The following DISC1 variants were observed in gnomAD, a reference collection of about 807,000 sequenced individuals.
DISC1 encodes the protein disrupted in schizophrenia 1 protein.
A neutral mutation model predicts 84.5 loss-of-function variants in DISC1; 57 were observed. The observed-to-expected ratio is 0.67, with a 90% CI of 0.55 to 0.84. The LOEUF is 0.84. DISC1 is among the 40% of genes least tolerant of loss of function. The probability of loss-of-function intolerance (pLI) is 0.00; values close to 1 mark genes in which losing one functional copy is unlikely to be tolerated. For missense variants in DISC1, 1,000 were observed against 1,057.8 expected (o/e 0.95, Z 0.76); for synonymous variants, 411 against 415.2 (o/e 0.99, Z 0.12).
chr1:231,785,565 G>T (rs2077788640), intron 6 of DISC1, among the ~76,000 whole-genome samples: 2 of 151,958 alleles, frequency 1.3e-5, no homozygotes, highest in African/African-American at 2.4e-5. Flanking sequence ...AAGTGCATGG[G>T]TTACAGACGT....
At chr1:231,774,416 A>C (rs1009015991) in intron 6 of DISC1, among the ~76,000 whole-genome samples, 4 of 152,204 alleles carry the variant, frequency 2.6e-5, no homozygotes, top group African/African-American at 7.2e-5. Context: ...TGCAGCATGG[A>C]ACACTCATGG....
chr1:231,868,931 A>C (rs1160835807), intron 9 of DISC1, among the ~76,000 whole-genome samples: 1 of 148,980 alleles, frequency 6.7e-6, no homozygotes, highest in Non-Finnish European at 1.5e-5. Flanking sequence ...TACATTTTTG[A>C]GAGGAGCAAT....
At chr1:231,837,994 T>C (rs976598129) in intron 9 of DISC1, among the ~76,000 whole-genome samples, 2 of 152,214 alleles carry the variant, frequency 1.3e-5, no homozygotes, top group Non-Finnish European at 1.5e-5. Flanking sequence ...GCTAAACTTC[T>C]GTATTCAAGC....
chr1:231,723,827 G>T, intron 3 of DISC1: 2 of 985,340 alleles, frequency 2.0e-6, no homozygotes, highest in Non-Finnish European at 2.4e-6. Flanking sequence ...CTTTTTTGTT[G>T]GTTGTGGGGT....
intron 12 of DISC1, among the ~76,000 whole-genome samples, chr1:232,035,391 G>A (rs1054683635): frequency 6.6e-6 from 1 of 152,168 alleles, no homozygotes; most frequent in Non-Finnish European, 1.5e-5. Flanking sequence ...GTTGCAGTGA[G>A]CCGAGATCGC....
chr1:231,694,961 C>T (rs2065459530), intron 2 of DISC1, among the ~76,000 whole-genome samples, 156 bp downstream of exon 2: 1 of 152,092 alleles, frequency 6.6e-6, no homozygotes. Flanking sequence ...TGTTGCTGCA[C>T]TTCTGTCTCT....
chr1:231,764,982 G>A (rs1235778038), intron 4 of DISC1, among the ~76,000 whole-genome samples: 1 of 152,054 alleles, frequency 6.6e-6, no homozygotes, highest in Admixed American at 6.5e-5. Flanking sequence ...ATCAGGTCAG[G>A]AGATCGAGAC....
chr1:232,016,084 G>C (rs1046698609), intron 11 of DISC1, among the ~76,000 whole-genome samples: 1 of 152,162 alleles, frequency 6.6e-6, no homozygotes, highest in Non-Finnish European at 1.5e-5. Flanking sequence ...TGAGACTTTA[G>C]GGTGGGAAGC....
At chr1:231,989,767 C>T (rs1247643748) in intron 10 of DISC1, among the ~76,000 whole-genome samples, 1 of 152,168 alleles carries the variant, frequency 6.6e-6, no homozygotes, top group South Asian at 2.1e-4. Context: ...TGCTGTAGGG[C>T]GTGCACAGGT....
At chr1:231,697,676 T>C (rs61835384) in intron 2 of DISC1, among the ~76,000 whole-genome samples, 41,629 of 149,092 alleles carry the variant, frequency 0.28, 6,070 homozygotes, top group Non-Finnish European at 0.32. Flanking sequence ...TCTTGAACTC[T>C]TGGCCTCAAA....
Position 232,041,063 on chromosome 1 carries a change from A to C in DISC1, c.*4232A>C, listed in dbSNP as rs1244236050. The C allele has an allele frequency of 6.6e-6, 1 of 152,188 alleles. No homozygotes were observed. The highest frequency in any genetic ancestry group is 1.9e-4 in the East Asian group (1 of 5,202). The allele number at this position is 152,188 out of a possible 1,614,324, so 9.4% of individuals were successfully genotyped here. ...CCTTATCTAATCTTTGAATTTTGTC[A>C]TGTAATTTATTGCTTCATTAAGGTT... On this transcript the variant is annotated 3_prime_UTR_variant, in exon 13 of 13. Coordinates refer to ENST00000439617, the MANE Select transcript of DISC1 (RefSeq NM_018662.3).
At chr1:231,819,039 A>G (rs562503068) in intron 9 of DISC1, 39 of 989,810 alleles carry the variant, frequency 3.9e-5, no homozygotes, top group African/African-American at 3.5e-4. Context: ...GAGGAGTTCA[A>G]GTGTTCCTGT....
intron 9 of DISC1, among the ~76,000 whole-genome samples, chr1:231,824,455 A>G (rs1019182363): frequency 3.3e-5 from 5 of 152,140 alleles, no homozygotes; most frequent in Admixed American, 3.3e-4. Flanking sequence ...TATTGATTAC[A>G]TTATCACTTT....
intron 9 of DISC1, among the ~76,000 whole-genome samples, chr1:231,902,219 A>G (rs903451110): frequency 1.3e-5 from 2 of 152,164 alleles, no homozygotes; most frequent in African/African-American, 2.4e-5. Flanking sequence ...GTTGATGATC[A>G]TAGTGGGTGA....
At chr1:231,663,264 TACA>T (rs1445691772) in intron 1 of DISC1, among the ~76,000 whole-genome samples, 3 of 152,168 alleles carry the variant, frequency 2.0e-5, no homozygotes, top group Admixed American at 1.3e-4. Context: ...ACCTAGAAGA[TACA>T]ACAATTCAAA....
At chr1:231,814,984 G>T (rs2080776969) in intron 8 of DISC1, 2 of 143,092 alleles carry the variant, frequency 1.4e-5, no homozygotes, top group Admixed American at 7.0e-5. Context: ...AATAATATAA[G>T]ATATAACCTG....
intron 3 of DISC1, among the ~76,000 whole-genome samples, chr1:231,717,866 C>G (rs758721612): frequency 6.6e-6 from 1 of 152,140 alleles, no homozygotes; most frequent in Non-Finnish European, 1.5e-5. Context: ...ATTCATGGCA[C>G]CATTTTATTT....
intron 6 of DISC1, among the ~76,000 whole-genome samples, chr1:231,775,998 C>T (rs1372181547): frequency 6.6e-6 from 1 of 152,124 alleles, no homozygotes; most frequent in Non-Finnish European, 1.5e-5. Flanking sequence ...TTCTGTGGAT[C>T]ACATCCCTCC....
chr1:231,817,832 C>A (rs1481631728), intron 8 of DISC1, among the ~76,000 whole-genome samples: 1 of 152,142 alleles, frequency 6.6e-6, no homozygotes. Flanking sequence ...GGTGTTATTG[C>A]AATTATATTT....
Sources: allele counts gnomAD v4.1 joint callset (sites outside exome capture counted in the v4.1 genomes callset), GRCh38; gene constraint gnomAD v4.1.1; transcripts MANE v1.5; gene names NCBI Gene and HGNC (gene_info 2026-07-23, HGNC 2026-07-21).